The following SUPT3H variants were observed in gnomAD, a reference collection of about 807,000 sequenced individuals.
The protein encoded by SUPT3H is transcription initiation protein SPT3 homolog.
In SUPT3H, 44 loss-of-function variants were observed where a neutral mutation model predicts 44.3. The ratio of observed to expected loss-of-function variants is 0.99; its 90% CI spans 0.78 to 1.28. The LOEUF (loss-of-function observed/expected upper bound fraction) is 1.28, where lower values mean the gene tolerates loss of function less well. Ranked by LOEUF, SUPT3H falls within the 50% of genes most tolerant of loss-of-function variation. The probability of loss-of-function intolerance (pLI) is 0.00; values close to 1 mark genes in which losing one functional copy is unlikely to be tolerated. For synonymous variants in SUPT3H, 124 were observed against 125.6 expected (o/e 0.99, Z 0.09); for missense variants, 380 against 387.1 (o/e 0.98, Z 0.15).
At chr6:45,329,556 A>C (rs1438802032) in intron 2 of SUPT3H, among the ~76,000 whole-genome samples, 1 of 151,928 alleles carries the variant, frequency 6.6e-6, no homozygotes, top group Non-Finnish European at 1.5e-5. Flanking sequence ...TTATAAACAC[A>C]CTGAAACACT....
chr6:45,012,364 T>C (rs1417396576), intron 5 of SUPT3H, among the ~76,000 whole-genome samples: 1 of 152,016 alleles, frequency 6.6e-6, no homozygotes, highest in African/African-American at 2.4e-5. Flanking sequence ...TTTTCACTTT[T>C]TTCTTCAGAT....
intron 3 of SUPT3H, among the ~76,000 whole-genome samples, chr6:45,069,109 A>G (rs932091548): frequency 1.3e-5 from 2 of 152,206 alleles, no homozygotes; most frequent in Non-Finnish European, 2.9e-5. Flanking sequence ...GAACATGTGA[A>G]TGTAAAATAC....
At chr6:44,929,226 C>A (rs1770143630) in intron 10 of SUPT3H, among the ~76,000 whole-genome samples, 1 of 151,930 alleles carries the variant, frequency 6.6e-6, no homozygotes, top group South Asian at 2.1e-4. Flanking sequence ...GAATTATATT[C>A]CTGAAATTGA....
intron 11 of SUPT3H, among the ~76,000 whole-genome samples, chr6:44,812,579 C>T (rs1766606413): frequency 6.6e-6 from 1 of 152,182 alleles, no homozygotes; most frequent in South Asian, 2.1e-4. Flanking sequence ...TGTGATGTAA[C>T]ATATTCACAG....
At chr6:45,154,119 T>G (rs1463622573) in intron 2 of SUPT3H, among the ~76,000 whole-genome samples, 2 of 149,694 alleles carry the variant, frequency 1.3e-5, no homozygotes, top group African/African-American at 4.9e-5. Context: ...AGAACTAATT[T>G]CAAATAAAGA....
chr6:44,904,664 A>C lies in SUPT3H; in HGVS notation c.912+27989T>G, dbSNP rs184042318. 5.3e-5 allele frequency among the ~76,000 whole-genome samples: 8 copies of C among 152,324 alleles called. No homozygotes were observed. In the South Asian group the frequency reaches 1.0e-3, roughly 20 times the overall value. ...TGACTTTCTTCACAGAATTGGAAAA[A>C]ACTACTTTAAAGTTCATATGGAACC... On this transcript the variant is annotated intron_variant, in intron 10 of 10. Transcript: ENST00000371459.
chr6:45,357,309 G>A (rs1250257466), intron 2 of SUPT3H, among the ~76,000 whole-genome samples: 1 of 151,892 alleles, frequency 6.6e-6, no homozygotes, highest in East Asian at 1.9e-4. Context: ...GCCCGGTCAA[G>A]AATCCATTTT....
intron 3 of SUPT3H, among the ~76,000 whole-genome samples, chr6:45,050,043 C>G (rs572620939): frequency 6.6e-6 from 1 of 152,194 alleles, no homozygotes; most frequent in East Asian, 1.9e-4. Context: ...TTACCATGAA[C>G]AGGTAAAACA....
intron 6 of SUPT3H, among the ~76,000 whole-genome samples, chr6:44,971,083 T>C (rs1049831320): frequency 6.6e-6 from 1 of 152,224 alleles, no homozygotes; most frequent in African/African-American, 2.4e-5. Context: ...GCAATCTCCC[T>C]TTGTTGCTAC....
rs180999496 is a variant in SUPT3H at position 44,829,557 on chromosome 6, C to T, written c.*259G>A. On this transcript the variant is annotated 3_prime_UTR_variant, in exon 11 of 11. Transcript: ENST00000371459. Reference sequence around the variant, plus strand: ...ATCTACTCAAATTAAAATTTCAAAACTGTGTGATCTGCATTCTTGTCCACC... The same window carrying T: ...ATCTACTCAAATTAAAATTTCAAAATTGTGTGATCTGCATTCTTGTCCACC... 260 of 363,910 alleles carry T rather than the reference C, an allele frequency of 7.1e-4. No individual in the cohort carries two copies. Among genetic ancestry groups the T allele is most frequent in the African/African-American group, 4.9e-3 (229 of 46,994 alleles). The allele number at this position is 363,910 out of a possible 1,614,324, so 22.5% of individuals were successfully genotyped here. A position where few individuals can be genotyped will look rare whatever the true frequency, so the allele number is the denominator to read the frequency against.
intron 10 of SUPT3H, among the ~76,000 whole-genome samples, chr6:44,884,766 G>C (rs1395270728): frequency 6.6e-6 from 1 of 152,184 alleles, no homozygotes; most frequent in East Asian, 1.9e-4. Context: ...AGTGGGCGCA[G>C]GTCAGTGGGT....
At chr6:45,179,336 CCA>C (rs1408162524) in intron 2 of SUPT3H, among the ~76,000 whole-genome samples, 2 of 151,966 alleles carry the variant, frequency 1.3e-5, no homozygotes, top group Admixed American at 1.3e-4. Flanking sequence ...TGAAACTATT[CCA>C]ATCAATAGAA....
intron 2 of SUPT3H, among the ~76,000 whole-genome samples, chr6:45,280,712 G>T (rs977788041): frequency 6.6e-6 from 1 of 152,148 alleles, no homozygotes; most frequent in Non-Finnish European, 1.5e-5. Flanking sequence ...GTGGATAAGA[G>T]GAAACCAACT....
chr6:45,182,800 G>A (rs1813523241), intron 2 of SUPT3H, among the ~76,000 whole-genome samples: 1 of 152,128 alleles, frequency 6.6e-6, no homozygotes, highest in Admixed American at 6.5e-5. Context: ...ATACCTACCA[G>A]GATGTCTATT....
intron 2 of SUPT3H, among the ~76,000 whole-genome samples, chr6:45,343,285 A>C (rs1270326156): frequency 6.6e-6 from 1 of 152,088 alleles, no homozygotes; most frequent in Non-Finnish European, 1.5e-5. Context: ...CGAGGCGGGC[A>C]GACCAAGAAG....
chr6:45,014,452 C>G (rs376324390), intron 5 of SUPT3H, among the ~76,000 whole-genome samples: 1 of 152,036 alleles, frequency 6.6e-6, no homozygotes, highest in Non-Finnish European at 1.5e-5. Flanking sequence ...AGGAAACTGA[C>G]CCTCAAGGTC....
intron 2 of SUPT3H, among the ~76,000 whole-genome samples, chr6:45,112,846 C>T (rs1800272182): frequency 6.6e-6 from 1 of 152,116 alleles, no homozygotes; most frequent in African/African-American, 2.4e-5. Context: ...GCCATGTGTA[C>T]ATCTTCTTGG....
intron 2 of SUPT3H, among the ~76,000 whole-genome samples, chr6:45,358,475 C>T (rs947676677): frequency 4.6e-5 from 7 of 152,052 alleles, no homozygotes; most frequent in African/African-American, 1.4e-4. Context: ...GAAATTCTTC[C>T]CATTAAATTG....
intron 2 of SUPT3H, among the ~76,000 whole-genome samples, chr6:45,326,981 C>T (rs1282515391): frequency 6.6e-6 from 1 of 151,780 alleles, no homozygotes; most frequent in Non-Finnish European, 1.5e-5. Flanking sequence ...TTGGTCTGTT[C>T]GCCTTTATAA....
Sources: allele counts gnomAD v4.1 joint callset (sites outside exome capture counted in the v4.1 genomes callset), GRCh38; gene constraint gnomAD v4.1.1; transcripts MANE v1.5; gene names NCBI Gene and HGNC (gene_info 2026-07-23, HGNC 2026-07-21).